Variants in JAML observed in about 807,000 individuals in gnomAD.
JAML encodes the protein junction adhesion molecule like.
JAML carries 25 observed loss-of-function variants against 39.3 expected under a neutral mutation model. The observed-to-expected ratio is 0.64, with a 90% confidence interval of 0.46 to 0.89. The LOEUF (loss-of-function observed/expected upper bound fraction) is 0.89, where lower values mean the gene tolerates loss of function less well. Ranked by LOEUF, JAML falls within the 40% of genes least tolerant of loss-of-function variation. The probability of loss-of-function intolerance (pLI) is 0.00; values close to 1 mark genes in which losing one functional copy is unlikely to be tolerated. For synonymous variants in JAML, 162 were observed against 179.2 expected (o/e 0.90, Z 0.77); for missense variants, 440 against 486.9 (o/e 0.90, Z 0.91).
chr11:118,205,354 T>G (rs1805), intron 5 of JAML: 69,671 of 153,088 alleles, frequency 0.46, 17,933 homozygotes, highest in South Asian at 0.73. Context: ...CTTTATAGAG[T>G]TCCCGTAAAA....
chr11:118,208,545 A>G (rs993109257), intron 4 of JAML, among the ~76,000 whole-genome samples: 1 of 152,212 alleles, frequency 6.6e-6, no homozygotes, highest in African/African-American at 2.4e-5. Flanking sequence ...TAAGAGAGGA[A>G]GGCAGGGTGC....
At chr11:118,194,886 A>T (rs1046093929) in intron 9 of JAML, among the ~76,000 whole-genome samples, 1 of 152,226 alleles carries the variant, frequency 6.6e-6, no homozygotes, top group African/African-American at 2.4e-5. Context: ...CAACAGCCTT[A>T]TTTAACTTGG....
At chr11:118,223,832 A>G (rs1949233739) in intron 1 of JAML, among the ~76,000 whole-genome samples, 1 of 152,184 alleles carries the variant, frequency 6.6e-6, no homozygotes, top group Non-Finnish European at 1.5e-5. Context: ...ATCTTCAGAA[A>G]AGAGACATGC....
chr11:118,197,776 C>G, intron 8 of JAML: 1 of 521,718 alleles, frequency 1.9e-6, no homozygotes, highest in South Asian at 2.2e-5. Flanking sequence ...CTTTCCTCAG[C>G]CCAATACCAG....
intron 3 of JAML, among the ~76,000 whole-genome samples, chr11:118,211,091 A>C (rs1949049343): frequency 6.6e-6 from 1 of 152,184 alleles, no homozygotes; most frequent in Non-Finnish European, 1.5e-5. Context: ...ATCTATTTTC[A>C]CTAGTGCTGT....
chr11:118,194,278 G>T lies in JAML; in HGVS notation c.*47C>A. The T allele has an allele frequency of 6.6e-7, 1 of 1,517,182 alleles. No homozygotes were observed. The allele number at this position is 1,517,182 out of a possible 1,614,324, so 94.0% of individuals were successfully genotyped here. On this transcript the variant is annotated 3_prime_UTR_variant, in exon 10 of 10. Coordinates refer to ENST00000356289, the MANE Select transcript of JAML (RefSeq NM_001098526.2). Reference sequence around the variant, plus strand: ...GGTAGAGTGGCCCAGGACACACACAGGAGAGAGTCTCCACCGCTGCTGAGA... The same window carrying T: ...GGTAGAGTGGCCCAGGACACACACATGAGAGAGTCTCCACCGCTGCTGAGA...
At chr11:118,218,472 C>T (rs1287724099) in intron 1 of JAML, among the ~76,000 whole-genome samples, 2 of 152,136 alleles carry the variant, frequency 1.3e-5, no homozygotes, top group African/African-American at 4.8e-5. Context: ...TTTGTGTGCT[C>T]ATTTAATTAA....
chr11:118,194,225 G>T lies in JAML; in HGVS notation c.*100C>A. 1.9e-6 allele frequency: 2 copies of T among 1,031,790 alleles called. No individual in the cohort carries two copies. Among genetic ancestry groups the T allele is most frequent in the Non-Finnish European group, 3.0e-6 (2 of 661,184 alleles). The allele number at this position is 1,031,790 out of a possible 1,614,324, so 63.9% of individuals were successfully genotyped here. A position where few individuals can be genotyped will look rare whatever the true frequency, so the allele number is the denominator to read the frequency against. On this transcript the variant is annotated 3_prime_UTR_variant, in exon 10 of 10. Coordinates refer to ENST00000356289, the MANE Select transcript of JAML (RefSeq NM_001098526.2). Reference sequence around the variant, plus strand: ...GACCAAACAATGAGACAGGAGGACAGCTGGGAGAGCGGGAGTCTGAAATCA... The same window carrying T: ...GACCAAACAATGAGACAGGAGGACATCTGGGAGAGCGGGAGTCTGAAATCA...
At chr11:118,223,579 C>T (rs1017912133) in intron 1 of JAML, among the ~76,000 whole-genome samples, 6 of 152,088 alleles carry the variant, frequency 3.9e-5, no homozygotes, top group African/African-American at 1.2e-4. Flanking sequence ...GAAATAGATT[C>T]GGTTGGCATC....
At chr11:118,196,689 C>T (rs34170062) in intron 9 of JAML, 46 bp downstream of exon 9, 1 of 1,540,502 alleles carries the variant, frequency 6.5e-7, no homozygotes. Flanking sequence ...CCACCACCAC[C>T]TGAGCCTCTG....
chr11:118,213,257 A>G (rs1195003010), intron 2 of JAML: 2 of 1,187,684 alleles, frequency 1.7e-6, no homozygotes, highest in South Asian at 2.6e-5. Flanking sequence ...CATTACATGG[A>G]TATTTCTGTT....
chr11:118,198,065 T>G lies in JAML; in HGVS notation c.938A>C (p.Lys313Thr). 6.2e-7 allele frequency: 1 copy of G among 1,614,176 alleles called. No individual in the cohort carries two copies. Among genetic ancestry groups the G allele is most frequent in the Non-Finnish European group, 8.5e-7 (1 of 1,179,974 alleles). The change falls in exon 8 of 10, where the codon AAG becomes ACG. Residue 313 changes from lysine (K) to threonine (T), a missense_variant. Lys to Thr is a moderately conservative substitution (Grantham distance 78, BLOSUM62 -1). Coordinates refer to ENST00000356289, the MANE Select transcript of JAML (RefSeq NM_001098526.2). ...KSSVNSTVLV[K>T]NTKKTNPEIK... ...CTCTGGATTAGTCTTCTTCGTGTTC[T>G]TCACCAAGACTGTAGAATTCACTGA...
At chr11:118,213,830 C>T (rs561579223) in intron 2 of JAML, among the ~76,000 whole-genome samples, 2 of 152,152 alleles carry the variant, frequency 1.3e-5, no homozygotes, top group East Asian at 1.9e-4. Flanking sequence ...CTCTCTGGAT[C>T]GGAGGGCAAA....
chr11:118,217,509 GT>G (rs1949159633), intron 1 of JAML, among the ~76,000 whole-genome samples: 1 of 152,120 alleles, frequency 6.6e-6, no homozygotes. Flanking sequence ...ATTACTAAAA[GT>G]TTTTTTTAAA....
intron 9 of JAML, among the ~76,000 whole-genome samples, chr11:118,195,998 A>AT (rs1167974963): frequency 6.7e-6 from 1 of 150,146 alleles, no homozygotes; most frequent in African/African-American, 2.5e-5. Context: ...TGCCTGGCTA[A>AT]TTTTTTTGTA....
chr11:118,200,443 C>A (rs1237642990), intron 7 of JAML, 31 bp downstream of exon 7: 1 of 1,612,560 alleles, frequency 6.2e-7, no homozygotes, highest in East Asian at 2.2e-5. Flanking sequence ...CCCCCAGCCT[C>A]CCAATCCAAG....
chr11:118,210,558 A>C lies in JAML; in HGVS notation c.353T>G (p.Ile118Ser). ...EADQGTYICE[I>S]RLKGESQVFK... is the part of the protein sequence containing the mutation. Reference sequence around the variant, plus strand: ...CACCTGGCTCTCCCCTTTGAGGCGGATTTCACAGATATAGGTTCCCTGGTC... The same window carrying C: ...CACCTGGCTCTCCCCTTTGAGGCGGCTTTCACAGATATAGGTTCCCTGGTC... Residue 118 changes from isoleucine to serine, a missense_variant, in exon 4 of 10, where the codon ATC (isoleucine) becomes AGC (serine). Physicochemically the swap from Ile to Ser is moderately radical, Grantham distance 142. Coordinates refer to ENST00000356289, the MANE Select transcript of JAML (RefSeq NM_001098526.2). 2 of 1,614,142 alleles carry C rather than the reference A, an allele frequency of 1.2e-6. No individual in the cohort carries two copies. Among genetic ancestry groups the C allele is most frequent in the Non-Finnish European group, 1.7e-6 (2 of 1,180,004 alleles).
chr11:118,212,802 C>G, intron 2 of JAML: 2 of 1,611,018 alleles, frequency 1.2e-6, no homozygotes, highest in Non-Finnish European at 1.7e-6. Flanking sequence ...CTCCTCCTAT[C>G]CAGCCCCTTA....
At chr11:118,214,735 G>A (rs528560822) in intron 2 of JAML, 89 bp downstream of exon 2, 13 of 1,370,754 alleles carry the variant, frequency 9.5e-6, no homozygotes, top group Middle Eastern at 1.8e-4. Flanking sequence ...AAACCCAAGG[G>A]AATCGAAAAT....
Sources: allele counts gnomAD v4.1 joint callset (sites outside exome capture counted in the v4.1 genomes callset), GRCh38; gene constraint gnomAD v4.1.1; transcripts MANE v1.5; gene names NCBI Gene and HGNC (gene_info 2026-07-23, HGNC 2026-07-21).